The following MTHFD1 variants were observed in gnomAD, a reference collection of about 807,000 sequenced individuals.
The protein encoded by MTHFD1 is C-1-tetrahydrofolate synthase, cytoplasmic.
In MTHFD1, 44 loss-of-function variants were observed where a neutral mutation model predicts 110.3. That is an observed-to-expected ratio of 0.40 (90% CI 0.31 to 0.51). MTHFD1 has a LOEUF of 0.51. MTHFD1 is among the 20% of genes least tolerant of loss of function. The pLI, the probability that MTHFD1 is intolerant of heterozygous loss-of-function variation, is 0.60. For missense variants in MTHFD1, 909 were observed against 1,173.1 expected (o/e 0.77, Z 3.29); for synonymous variants, 402 against 428.8 (o/e 0.94, Z 0.77).
chr14:64,428,152 C>T (rs1370894268), intron 12 of MTHFD1, among the ~76,000 whole-genome samples: 5 of 132,204 alleles, frequency 3.8e-5, no homozygotes, highest in South Asian at 2.4e-4. Context: ...CTCACTCTGT[C>T]GCCCAGGCTG....
chr14:64,434,397 T>A (rs1169304164), intron 15 of MTHFD1, among the ~76,000 whole-genome samples: 1 of 151,752 alleles, frequency 6.6e-6, no homozygotes, highest in Non-Finnish European at 1.5e-5. Context: ...CAAAAAAATT[T>A]AAAAACGAGC....
Position 64,417,906 on chromosome 14 carries a change from G to C in MTHFD1, c.497G>C (p.Arg166Thr). 6.2e-7 allele frequency: 1 copy of C among 1,612,944 alleles called. No individual in the cohort carries two copies. Among genetic ancestry groups the C allele is most frequent in the Non-Finnish European group, 8.5e-7 (1 of 1,179,954 alleles). ...CTTTCAGGGGTGCCGATTGCCGGAA[G>C]GCATGCTGTGGTGGTTGGGCGCAGT... ...IKETGVPIAG[R>T]HAVVVGRSKI... The change falls in exon 7 of 28, where the codon AGG becomes ACG. Residue 166 changes from arginine to threonine, a missense_variant. Physicochemically the swap from Arg to Thr is moderately conservative, Grantham distance 71. Around this residue, in one of 3 missense-constraint regions of MTHFD1, gnomAD observed 424 missense variants for 510.4 expected, o/e 0.83. Coordinates refer to ENST00000652337, the MANE Select transcript of MTHFD1 (RefSeq NM_005956.4). The surrounding 1 kb of genome is among the most constrained non-coding windows in gnomAD (Gnocchi z 4.4).
intron 9 of MTHFD1, 74 bp downstream of exon 9, chr14:64,425,005 G>C (rs2078108110): frequency 6.3e-7 from 1 of 1,576,634 alleles, no homozygotes; most frequent in Non-Finnish European, 8.7e-7. Flanking sequence ...TCCCCAAGTA[G>C]AAATGTCAAA....
chr14:64,410,624 CTG>C (rs2077976354), intron 2 of MTHFD1, among the ~76,000 whole-genome samples: 1 of 152,170 alleles, frequency 6.6e-6, no homozygotes. Context: ...TTTCTATTGT[CTG>C]TGTGGCGGGG....
intron 8 of MTHFD1, among the ~76,000 whole-genome samples, chr14:64,422,556 C>CTTA: frequency 6.6e-6 from 1 of 152,034 alleles, no homozygotes; most frequent in East Asian, 1.9e-4. Flanking sequence ...TTGAGAAGGG[C>CTTA]CAGATCAATA....
At chr14:64,425,026 G>A in intron 9 of MTHFD1, 95 bp downstream of exon 9, 1 of 1,455,828 alleles carries the variant, frequency 6.9e-7, no homozygotes, top group Non-Finnish European at 9.5e-7. Flanking sequence ...AACCTACTCA[G>A]AAGTAAAGAT....
In MTHFD1 at chr14:64,424,791, C is replaced by T. The variant is rs1345766026; in HGVS notation, c.728-13C>T. The T allele has an allele frequency of 2.5e-6, 4 of 1,613,534 alleles. No homozygotes were observed. Among genetic ancestry groups the T allele is most frequent in the South Asian group, 2.2e-5 (2 of 90,976 alleles). Reference sequence around the variant, plus strand: ...TCTGAGACTTAGTTTTGATTTCTCCCCCACTTGACCAGATGATAAAAAACC... The same window carrying T: ...TCTGAGACTTAGTTTTGATTTCTCCTCCACTTGACCAGATGATAAAAAACC... On this transcript the variant is annotated splice_polypyrimidine_tract_variant and intron_variant, in intron 8 of 27. Coordinates refer to ENST00000652337, the MANE Select transcript of MTHFD1 (RefSeq NM_005956.4).
At chr14:64,443,407 T>C (rs1185796405) in intron 21 of MTHFD1, among the ~76,000 whole-genome samples, 2 of 152,244 alleles carry the variant, frequency 1.3e-5, no homozygotes, top group Non-Finnish European at 2.9e-5. Flanking sequence ...TCTGGCTTAA[T>C]TGAAGACAGC....
intron 12 of MTHFD1, among the ~76,000 whole-genome samples, chr14:64,428,123 T>TC (rs1566565831): frequency 6.8e-6 from 1 of 146,654 alleles, no homozygotes; most frequent in Non-Finnish European, 1.5e-5. Context: ...TTTTTTTTTT[T>TC]TTTTGAGACA....
intron 16 of MTHFD1, among the ~76,000 whole-genome samples, chr14:64,436,892 T>C (rs2078210263): frequency 6.6e-6 from 1 of 152,262 alleles, no homozygotes; most frequent in Non-Finnish European, 1.5e-5. Context: ...GTCATACCTA[T>C]TGACTAGCTA....
intron 18 of MTHFD1, chr14:64,440,804 C>A: frequency 4.4e-6 from 1 of 225,286 alleles, no homozygotes; most frequent in Non-Finnish European, 8.9e-6. Flanking sequence ...GAATGGATTT[C>A]TCACATCAGT....
chr14:64,412,634 ATTTTTTT>A, intron 4 of MTHFD1, 109 bp downstream of exon 4: 1 of 480,410 alleles, frequency 2.1e-6, no homozygotes, highest in Non-Finnish European at 3.6e-6. Context: ...ACCTCCAGGT[ATTTTTTT>A]TTTTTTTTTT....
intron 22 of MTHFD1, among the ~76,000 whole-genome samples, chr14:64,447,736 T>G (rs1263229545): frequency 6.6e-6 from 1 of 152,276 alleles, no homozygotes; most frequent in East Asian, 1.9e-4. Flanking sequence ...GGCAGCCATA[T>G]AACGAATACC....
At chr14:64,420,401 T>C (rs1477433450) in intron 8 of MTHFD1, among the ~76,000 whole-genome samples, 3 of 152,182 alleles carry the variant, frequency 2.0e-5, no homozygotes, top group African/African-American at 7.2e-5. Context: ...CTTTTAATCA[T>C]GTCCAAAACT....
intron 8 of MTHFD1, chr14:64,422,844 T>C (rs2078085430): frequency 6.6e-6 from 1 of 152,204 alleles, no homozygotes; most frequent in Non-Finnish European, 1.5e-5. Flanking sequence ...CTTTTTCCAC[T>C]GACCACATCA....
rs1245247604 is a variant in MTHFD1, at chr14:64,431,850, C to A, written c.1483C>A (p.Arg495=). ...GAGAAGGTTCTCTGACATCCAAATC[C>A]GAAGGTTAAAGGTAAGCTTTTTTTC... The part of the protein sequence containing the change: ...GVRRFSDIQI[R]RLKRLGIEKT... Residue 495 remains arginine (R), a synonymous_variant, in exon 15 of 28, where the codon CGA becomes AGA. Coordinates refer to ENST00000652337, the MANE Select transcript of MTHFD1 (RefSeq NM_005956.4). The A allele has an allele frequency of 1.2e-6, 2 of 1,613,922 alleles. No homozygotes were observed. Among genetic ancestry groups the A allele is most frequent in the Admixed American group, 3.3e-5 (2 of 59,994 alleles).
intron 1 of MTHFD1, among the ~76,000 whole-genome samples, chr14:64,395,291 T>C (rs368204260): frequency 4.6e-5 from 7 of 152,384 alleles, no homozygotes; most frequent in African/African-American, 1.7e-4. Flanking sequence ...AACACACTTA[T>C]GCCTGTAGTT....
At chr14:64,435,497 C>G in intron 15 of MTHFD1, 72 bp from the exon 16 acceptor site, 1 of 1,010,200 alleles carries the variant, frequency 9.9e-7, no homozygotes, top group Non-Finnish European at 1.6e-6. Context: ...AGGTAGGGGT[C>G]AAAATTTTTG....
At chr14:64,397,156 TATATATATATATATATATATATATATATA>T (rs1566553078) in intron 1 of MTHFD1, among the ~76,000 whole-genome samples, 398 of 5,796 alleles carry the variant, frequency 0.069, 33 homozygotes, top group African/African-American at 0.26. Flanking sequence ...TATATATATA[TATATATATATATATATATATATATATATA>T]TATATAAAAA....
Sources: gnomAD v4.1 joint callset for allele counts (sites outside exome capture counted in the v4.1 genomes callset) on GRCh38, gnomAD v4.1.1 for gene constraint, gnomAD v4.1.1 regional missense constraint, Gnocchi (gnomAD v3.1) non-coding constraint, MANE v1.5 for transcripts, NCBI Gene and HGNC (gene_info 2026-07-23, HGNC 2026-07-21) for gene names.